Variants in MGAT5B observed in about 807,000 individuals in gnomAD.
MGAT5B encodes alpha-1,6-mannosylglycoprotein 6-beta-N-acetylglucosaminyltransferase B.
A neutral mutation model predicts 95.1 loss-of-function variants in MGAT5B; 54 were observed. That is an observed-to-expected ratio of 0.57 (90% CI 0.46 to 0.71). MGAT5B has a LOEUF of 0.71. Ranked by LOEUF, MGAT5B falls within the 30% of genes least tolerant of loss-of-function variation. MGAT5B has a pLI of 0.00. For missense variants in MGAT5B, 935 were observed against 1,088.6 expected (o/e 0.86, Z 1.99); for synonymous variants, 464 against 451.0 (o/e 1.03, Z -0.36).
chr17:76,873,048 C>T (rs1967064609), intron 2 of MGAT5B, 85 bp downstream of exon 2: 2 of 1,502,126 alleles, frequency 1.3e-6, no homozygotes, highest in South Asian at 2.3e-5. Flanking sequence ...TAGCCCTGTA[C>T]CTGGCTTTCT....
chr17:76,911,480 G>A (rs1398670102), intron 8 of MGAT5B, among the ~76,000 whole-genome samples: 1 of 152,244 alleles, frequency 6.6e-6, no homozygotes, highest in Non-Finnish European at 1.5e-5. Context: ...GAGGCACCCT[G>A]TGGAGGTGGC....
At chr17:76,887,487 C>CT (rs1967690230) in intron 3 of MGAT5B, among the ~76,000 whole-genome samples, 1 of 102,458 alleles carries the variant, frequency 9.8e-6, no homozygotes, top group Non-Finnish European at 2.0e-5. Flanking sequence ...CCCTCCCTCC[C>CT]TCCCTCCCTT....
chr17:76,943,849 T>C (rs1295605058), intron 15 of MGAT5B: 1 of 152,150 alleles, frequency 6.6e-6, no homozygotes, highest in African/African-American at 2.4e-5. Context: ...TGTGGCCTTT[T>C]ACAGGGAGAG....
At chr17:76,907,367 GTTT>G (rs1413764976) in intron 8 of MGAT5B, among the ~76,000 whole-genome samples, 2 of 152,150 alleles carry the variant, frequency 1.3e-5, no homozygotes, top group Non-Finnish European at 2.9e-5. Flanking sequence ...TGTAAAAAAA[GTTT>G]TTTGTTTTTT....
Position 76,893,849 on chromosome 17 carries a change from C to T in MGAT5B, c.330-8706C>T, listed in dbSNP as rs111712445. On this transcript the variant is annotated intron_variant, in intron 3 of 17. Coordinates refer to ENST00000569840, the MANE Select transcript of MGAT5B (RefSeq NM_001199172.2). The stretch of plus-strand genomic sequence containing the variant: ...GGGCGGGGGGTGCCAGCCTTTTGCT[C>T]GGTCTTGGCCTTGGTCCTGATGTCC... Among the ~76,000 whole-genome samples the T allele has an allele frequency of 7.4e-4, 112 of 152,276 alleles. 2 individuals are homozygous for T. Among genetic ancestry groups the T allele is most frequent in the African/African-American group, 2.4e-3 (100 of 41,548 alleles).
intron 5 of MGAT5B, 61 bp from the exon 6 acceptor site, chr17:76,904,191 G>C: frequency 6.6e-7 from 1 of 1,515,132 alleles, no homozygotes; most frequent in Non-Finnish European, 8.9e-7. Context: ...CACGTGCGGG[G>C]GAGTCCCCGA....
At chr17:76,900,155 G>A (rs564900719) in intron 3 of MGAT5B, among the ~76,000 whole-genome samples, 1 of 152,176 alleles carries the variant, frequency 6.6e-6, no homozygotes, top group Non-Finnish European at 1.5e-5. Flanking sequence ...AGGGGTCTGA[G>A]CTTCCTCTCA....
At chr17:76,898,066 AAG>A (rs1968164998) in intron 3 of MGAT5B, among the ~76,000 whole-genome samples, 3 of 149,422 alleles carry the variant, frequency 2.0e-5, no homozygotes, top group South Asian at 2.2e-4. Flanking sequence ...CAAAAAAAAA[AAG>A]TTTATTGAGG....
intron 11 of MGAT5B, among the ~76,000 whole-genome samples, chr17:76,932,990 C>T (rs1196302942): frequency 2.6e-5 from 4 of 152,230 alleles, no homozygotes; most frequent in African/African-American, 4.8e-5. Context: ...CCCGGACTCT[C>T]GTAATAAATG....
chr17:76,940,514 AC>A lies in MGAT5B; in HGVS notation c.1698del (p.His566GlnfsTer48), dbSNP rs1240683945. ...AGCCCGCCCCACAGCTCCCTCAACC[AC>A]GAGTTCTTCCGAGGCAAGCCCACCT... ...RFSPPHSSLNHEFFRGKPTSR... is the reference protein window; with the variant it reads ...RFSPPHSSLNXEFFRGKPTSR... On this transcript the variant is annotated frameshift_variant, in exon 14 of 18. Transcript: ENST00000569840. LOFTEE classifies it high-confidence loss of function. This position sits in a 1 kb window ranked among gnomAD's most constrained non-coding sequence, Gnocchi z 4.3. 1 of 1,613,228 alleles carries A rather than the reference AC, an allele frequency of 6.2e-7. No homozygotes were observed. Among genetic ancestry groups the A allele is most frequent in the Non-Finnish European group, 8.5e-7 (1 of 1,179,612 alleles).
At chr17:76,893,308 G>A (rs1286502625) in intron 3 of MGAT5B, among the ~76,000 whole-genome samples, 1 of 152,100 alleles carries the variant, frequency 6.6e-6, no homozygotes, top group Non-Finnish European at 1.5e-5. Context: ...GCAGGCACAT[G>A]GTAAATACGT....
chr17:76,885,411 G>A (rs1341999697), intron 3 of MGAT5B, among the ~76,000 whole-genome samples: 2 of 152,234 alleles, frequency 1.3e-5, no homozygotes, highest in Non-Finnish European at 2.9e-5. Context: ...TTTGGTCTCT[G>A]TTGAGGATAT....
chr17:76,884,779 T>C (rs1473003206), intron 3 of MGAT5B, among the ~76,000 whole-genome samples: 2 of 152,130 alleles, frequency 1.3e-5, no homozygotes, highest in Non-Finnish European at 2.9e-5. Context: ...AATTTTTGTA[T>C]CTTTAGTAGA....
intron 15 of MGAT5B, 48 bp from the exon 16 acceptor site, chr17:76,946,328 A>C: frequency 6.5e-7 from 1 of 1,530,168 alleles, no homozygotes; most frequent in African/African-American, 1.4e-5. Flanking sequence ...AGGGCCCCCG[A>C]CGGCTGGGCC....
At chr17:76,895,996 G>T (rs1212830441) in intron 3 of MGAT5B, among the ~76,000 whole-genome samples, 2 of 152,188 alleles carry the variant, frequency 1.3e-5, no homozygotes, top group African/African-American at 4.8e-5. Context: ...GGAGAAGTCA[G>T]CGCTGGTGCT....
chr17:76,904,573 G>A, intron 6 of MGAT5B, 151 bp downstream of exon 6: 1 of 890,830 alleles, frequency 1.1e-6, no homozygotes, highest in South Asian at 1.9e-5. Flanking sequence ...GGGCAGACGG[G>A]AGGCCAGCCT....
Position 76,946,747 on chromosome 17 carries a change from C to T in MGAT5B, c.1923+297C>T, listed in dbSNP as rs188964891. Among the ~76,000 whole-genome samples the T allele has an allele frequency of 3.5e-4, 53 of 152,330 alleles. 1 individual carries two copies. In the East Asian group the frequency reaches 8.9e-3, roughly 25 times the overall value. On this transcript the variant is annotated intron_variant, in intron 16 of 17. Transcript: ENST00000569840. ...CTTCCGTTCTTAGAAAACAGTGGTT[C>T]GAAAGTCTGCTAACTGATTGGGATT...
intron 9 of MGAT5B, 45 bp downstream of exon 9, chr17:76,925,142 G>T: frequency 6.2e-7 from 1 of 1,607,466 alleles, no homozygotes; most frequent in Non-Finnish European, 8.5e-7. Flanking sequence ...ACATGCCAGG[G>T]GAGAAAGCTC....
At chr17:76,892,178 GC>G (rs1967896519) in intron 3 of MGAT5B, among the ~76,000 whole-genome samples, 1 of 152,172 alleles carries the variant, frequency 6.6e-6, no homozygotes, top group African/African-American at 2.4e-5. Flanking sequence ...CTCCAGAGTA[GC>G]TGGGACCACA....
Sources: gnomAD v4.1 joint callset for allele counts (sites outside exome capture counted in the v4.1 genomes callset) on GRCh38, gnomAD v4.1.1 for gene constraint, Gnocchi (gnomAD v3.1) non-coding constraint, MANE v1.5 for transcripts, NCBI Gene and HGNC (gene_info 2026-07-23, HGNC 2026-07-21) for gene names.